The following MINDY1 variants were observed in gnomAD, a reference collection of about 807,000 sequenced individuals.
MINDY1 encodes the protein MINDY lysine 48 deubiquitinase 1.
A neutral mutation model predicts 53.6 loss-of-function variants in MINDY1; 50 were observed. That is an observed-to-expected ratio of 0.93 (90% CI 0.74 to 1.18). The LOEUF (loss-of-function observed/expected upper bound fraction) is 1.18, where lower values mean the gene tolerates loss of function less well. MINDY1 is among the 50% of genes most tolerant of loss of function. MINDY1 has a pLI of 0.00. For missense variants in MINDY1, 484 were observed against 578.6 expected (o/e 0.84, Z 1.68); for synonymous variants, 231 against 234.7 (o/e 0.98, Z 0.14).
In MINDY1 at chr1:151,000,629, A is replaced by C; in HGVS notation, c.577-14T>G. The C allele has an allele frequency of 6.3e-7, 1 of 1,598,636 alleles. No homozygotes were observed. Among genetic ancestry groups the C allele is most frequent in the Non-Finnish European group, 8.5e-7 (1 of 1,173,320 alleles). On this transcript the variant is annotated splice_polypyrimidine_tract_variant and intron_variant, in intron 4 of 9. Coordinates refer to ENST00000683666, the MANE Select transcript of MINDY1 (RefSeq NM_001376665.1). ...ATCATCCACATTCTGGGGGTAGAAA[A>C]AAAAATGATGGAGATTCTAGCCTTC...
In MINDY1 at chr1:151,006,729, T is replaced by TC. The variant is rs1673271409; in HGVS notation, c.-508dup. On this transcript the variant is annotated 5_prime_UTR_variant, in exon 1 of 10. An upstream open reading frame in the 5' UTR loses its in-frame stop. Coordinates refer to ENST00000683666, the MANE Select transcript of MINDY1 (RefSeq NM_001376665.1). ...GAAGAAAAATTAGGCAAGGACAAGCTCCCTGGAGGAGGAGGGGCCTGCCCA... is the reference window on the plus strand; with the variant it reads ...GAAGAAAAATTAGGCAAGGACAAGCTCCCCTGGAGGAGGAGGGGCCTGCCCA... 1 of 985,424 alleles carries TC rather than the reference T, an allele frequency of 1.0e-6. No homozygotes were observed. The highest frequency in any genetic ancestry group is 1.2e-6 in the Non-Finnish European group (1 of 830,044). The allele number at this position is 985,424 out of a possible 1,614,324, so 61.0% of individuals were successfully genotyped here.
rs1672682241 is a variant in MINDY1, at chr1:151,002,380, GC to G, written c.237del (p.Pro80GlnfsTer9). The G allele has an allele frequency of 6.2e-6, 10 of 1,614,144 alleles. No homozygotes were observed. The highest frequency in any genetic ancestry group is 1.3e-5 in the African/African-American group (1 of 75,040). ...ACTTCAGGCAGTGTCCCAAGGGTTG[GC>G]CCCGGTGGAGCTGAGCTAGCTTCAG... The part of the protein sequence containing the change: ...PLPEASSAPP[G>X]PTLGTLPEVE... On this transcript the variant is annotated frameshift_variant, in exon 2 of 10. Coordinates refer to ENST00000683666, the MANE Select transcript of MINDY1 (RefSeq NM_001376665.1). LOFTEE classifies it high-confidence loss of function. The surrounding 1 kb of genome is among the most constrained non-coding windows in gnomAD (Gnocchi z 4.1).
rs1671892169 is a variant in MINDY1 at position 150,996,936 on chromosome 1, G to A, written c.*351C>T. 3.7e-6 allele frequency: 1 copy of A among 271,824 alleles called. No homozygotes were observed. Among genetic ancestry groups the A allele is most frequent in the Non-Finnish European group, 7.0e-6 (1 of 142,700 alleles). 16.8% of individuals were successfully genotyped at this position (271,824 alleles called of 1,614,324 possible). On this transcript the variant is annotated 3_prime_UTR_variant, in exon 10 of 10. Coordinates refer to ENST00000683666, the MANE Select transcript of MINDY1 (RefSeq NM_001376665.1). The stretch of plus-strand genomic sequence containing the variant: ...AAACAACTGGAGACAGGCCTGCCTA[G>A]GTGATCAGGAGCATCCAGGCAGCAG...
At position 150,997,779 on chromosome 1, in the gene MINDY1, C is replaced by G. The variant is rs1326842832; in HGVS notation, c.1174G>C (p.Asp392His). Residue 392 changes from aspartate to histidine, a missense_variant and splice_region_variant, in exon 9 of 10, where the codon GAC becomes CAC. Transcript: ENST00000683666. Reference protein sequence around the residue: ...SPETQLQVDQDYLIALSLQQQ... With the variant: ...SPETQLQVDQHYLIALSLQQQ... ...TGCAGGGACAGAGCAATCAGGTAGT[C>G]CTGGGGAGAACAAGAGTTGTGCAGT... The G allele has an allele frequency of 1.2e-6, 2 of 1,610,396 alleles. No homozygotes were observed. The highest frequency in any genetic ancestry group is 1.1e-5 in the South Asian group (1 of 90,908).
chr1:151,008,027 G>A (rs1318106238), upstream of MINDY1, among the ~76,000 whole-genome samples: 1 of 152,216 alleles, frequency 6.6e-6, no homozygotes, highest in Non-Finnish European at 1.5e-5. Context: ...AGGGGTCAAA[G>A]ATTATTCTAA....
At chr1:151,000,731 C>G (rs1310450928) in intron 4 of MINDY1, 116 bp from the exon 5 acceptor site, 15 of 1,165,270 alleles carry the variant, frequency 1.3e-5, no homozygotes, top group Middle Eastern at 2.0e-4. Flanking sequence ...CTCTTACAAG[C>G]CACTCCATTT....
At chr1:151,007,949 A>G (rs1673407451), upstream of MINDY1, among the ~76,000 whole-genome samples, 1 of 152,210 alleles carries the variant, frequency 6.6e-6, no homozygotes, top group African/African-American at 2.4e-5. Flanking sequence ...GCTGTAGAAA[A>G]AAACAGGCTA....
intron 3 of MINDY1, 51 bp downstream of exon 3, chr1:151,001,674 G>A: frequency 6.3e-7 from 1 of 1,596,562 alleles, no homozygotes. Context: ...TGGCTGAGTG[G>A]ATAGCTCTGG....
chr1:151,001,554 C>T (rs1307411141), intron 3 of MINDY1, among the ~76,000 whole-genome samples, 171 bp downstream of exon 3: 1 of 152,242 alleles, frequency 6.6e-6, no homozygotes, highest in African/African-American at 2.4e-5. Flanking sequence ...CCCAGGACTC[C>T]CGACGCCTTT....
At chr1:151,000,381 C>A in intron 5 of MINDY1, 76 bp downstream of exon 5, 1 of 1,490,844 alleles carries the variant, frequency 6.7e-7, no homozygotes, top group South Asian at 1.3e-5. Context: ...ACTCCCTAAC[C>A]TCTACCCGAC....
At position 151,000,535 on chromosome 1, in the gene MINDY1, A is replaced by T. The variant is rs1448572462; in HGVS notation, c.657T>A (p.Asp219Glu). ...DVNVRFTGVSDFEYTPECSVF... is the reference protein window; with the variant it reads ...DVNVRFTGVSEFEYTPECSVF... ...CACTGCACTCGGGTGTATACTCAAA[A>T]TCAGAGACGCCTGTGAATCGCACAT... is the stretch of plus-strand genomic sequence containing the variant. Residue 219 changes from aspartate (D) to glutamate (E), a missense_variant, in exon 5 of 10, where the codon GAT becomes GAA. Coordinates refer to ENST00000683666, the MANE Select transcript of MINDY1 (RefSeq NM_001376665.1). 1.2e-6 allele frequency: 2 copies of T among 1,613,948 alleles called. No homozygotes were observed. The highest frequency in any genetic ancestry group is 1.7e-6 in the Non-Finnish European group (2 of 1,180,030).
In MINDY1 at chr1:151,004,939, G is replaced by T. The variant is rs993790753; in HGVS notation, c.-90+1373C>A. 6.6e-5 allele frequency among the ~76,000 whole-genome samples: 10 copies of T among 152,222 alleles called. No homozygotes were observed. The South Asian group carries it at 2.1e-3, about 32-fold the overall frequency. ...AAGTTACTGAAACAAAATAAGCCTAGTCACTCAAATTGATTATCCTCTTGA... is the reference window on the plus strand; with the variant it reads ...AAGTTACTGAAACAAAATAAGCCTATTCACTCAAATTGATTATCCTCTTGA... On this transcript the variant is annotated intron_variant, in intron 1 of 9. Coordinates refer to ENST00000683666, the MANE Select transcript of MINDY1 (RefSeq NM_001376665.1).
intron 8 of MINDY1, 146 bp from the exon 9 acceptor site, chr1:150,997,925 G>T: frequency 8.7e-7 from 1 of 1,152,120 alleles, no homozygotes; most frequent in Non-Finnish European, 1.2e-6. Context: ...TGCATTATCT[G>T]TGGTGCCAGA....
intron 3 of MINDY1, 93 bp from the exon 4 acceptor site, chr1:151,001,407 A>C: frequency 7.2e-7 from 1 of 1,379,790 alleles, no homozygotes; most frequent in Non-Finnish European, 1.0e-6. Context: ...ATGTCACAGA[A>C]CACAGATTTT....
intron 7 of MINDY1, 80 bp from the exon 8 acceptor site, chr1:150,998,353 T>C: frequency 7.3e-7 from 1 of 1,365,146 alleles, no homozygotes; most frequent in Non-Finnish European, 1.0e-6. Flanking sequence ...GGTATGAGCA[T>C]GTGGACTTTT....
chr1:151,005,958 CTCCTTCTCTGTAGGAACAGT>C (rs1327076706), intron 1 of MINDY1: 1 of 1,104,446 alleles, frequency 9.1e-7, no homozygotes, highest in Non-Finnish European at 1.3e-6. Flanking sequence ...CAAGAAGACA[CTCCTTCTCTGTAGGAACAGT>C]TCCCTTACTG....
upstream of MINDY1, chr1:151,008,252 T>C: frequency 8.4e-7 from 1 of 1,186,388 alleles, no homozygotes. Context: ...ACATACACAT[T>C]TGTTTACCGA....
Position 151,002,977 on chromosome 1 carries a change from G to A in MINDY1, c.-89-271C>T. The A allele has an allele frequency of 2.4e-6, 3 of 1,239,778 alleles. 1 individual carries two copies. The South Asian group carries it at 6.7e-5, about 28-fold the overall frequency. 76.8% of individuals were successfully genotyped at this position (1,239,778 alleles called of 1,614,324 possible). A position where few individuals can be genotyped will look rare whatever the true frequency, so the allele number is the denominator to read the frequency against. ...GGGTGGAGTCAGCTTCCCTGAAACA[G>A]ATCATGACAGGGAAGGGAGGAAAGA... is the stretch of plus-strand genomic sequence containing the variant. On this transcript the variant is annotated intron_variant, in intron 1 of 9. Coordinates refer to ENST00000683666, the MANE Select transcript of MINDY1 (RefSeq NM_001376665.1). The surrounding 1 kb of genome is among the most constrained non-coding windows in gnomAD (Gnocchi z 4.1).
rs1672326978 is a variant in MINDY1 at position 150,999,799 on chromosome 1, A to G, written c.838+63T>C. On this transcript the variant is annotated intron_variant, in intron 6 of 9. Transcript: ENST00000683666. The surrounding 1 kb of genome is among the most constrained non-coding windows in gnomAD (Gnocchi z 4.4). ...GTGGTAGGAGATGACACCCAATAAA[A>G]AATAAGCCTAAGTAGCTGTCATTCC... The G allele has an allele frequency of 3.5e-6, 5 of 1,442,862 alleles. No individual in the cohort carries two copies. Among genetic ancestry groups the G allele is most frequent in the Non-Finnish European group, 3.9e-6 (4 of 1,031,628 alleles). The allele number at this position is 1,442,862 out of a possible 1,614,324, so 89.4% of individuals were successfully genotyped here. A position where few individuals can be genotyped will look rare whatever the true frequency, so the allele number is the denominator to read the frequency against.
Sources: allele counts gnomAD v4.1 joint callset (sites outside exome capture counted in the v4.1 genomes callset), GRCh38; gene constraint gnomAD v4.1.1; non-coding constraint Gnocchi (gnomAD v3.1); transcripts MANE v1.5; gene names NCBI Gene and HGNC (gene_info 2026-07-23, HGNC 2026-07-21).